The following ANKFN1 variants were observed in gnomAD, a reference collection of about 807,000 sequenced individuals.
ANKFN1 encodes ankyrin repeat and fibronectin type-III domain-containing protein 1.
ANKFN1 carries 74 observed loss-of-function variants against 108.7 expected under a neutral mutation model. The ratio of observed to expected loss-of-function variants is 0.68; its 90% CI spans 0.56 to 0.83. The LOEUF (loss-of-function observed/expected upper bound fraction) is 0.83, where lower values mean the gene tolerates loss of function less well. ANKFN1 is among the 40% of genes least tolerant of loss of function. The pLI is 0.00. For missense variants in ANKFN1, 1,505 were observed against 1,382.3 expected, an observed-to-expected ratio of 1.09 and a Z score of -1.41; for synonymous variants, 547 against 516.2, an observed-to-expected ratio of 1.06 and a Z score of -0.81.
chr17:56,070,209 G>A (rs554373420), intron 4 of ANKFN1, among the ~76,000 whole-genome samples: 16 of 152,276 alleles, frequency 1.1e-4, no homozygotes, highest in Middle Eastern at 3.4e-3. Flanking sequence ...ACTCAACATG[G>A]AGTTGCTCTG....
chr17:56,299,366 C>A (rs1340583048), intron 3 of ANKFN1, among the ~76,000 whole-genome samples: 2 of 152,150 alleles, frequency 1.3e-5, no homozygotes, highest in African/African-American at 2.4e-5. Context: ...GCAGGAAGGA[C>A]TCTGACCCCT....
At chr17:56,378,177 T>C (rs1489993186) in intron 8 of ANKFN1, among the ~76,000 whole-genome samples, 2 of 152,224 alleles carry the variant, frequency 1.3e-5, no homozygotes, top group Non-Finnish European at 2.9e-5. Flanking sequence ...CCCATATCTC[T>C]GCCGACCATC....
At chr17:56,220,656 AAAAG>A (rs993965168) in intron 2 of ANKFN1, among the ~76,000 whole-genome samples, 46 of 151,384 alleles carry the variant, frequency 3.0e-4, no homozygotes, top group African/African-American at 1.1e-3. Flanking sequence ...ACTCTATCTA[AAAAG>A]AAAGAAAGAA....
chr17:56,511,138 G>GA lies in ANKFN1; in HGVS notation c.3315dup (p.Pro1106ThrfsTer112). 6.5e-7 allele frequency: 1 copy of GA among 1,536,026 alleles called. No individual in the cohort carries two copies. The highest frequency in any genetic ancestry group is 8.7e-7 in the Non-Finnish European group (1 of 1,146,862). On this transcript the variant is annotated frameshift_variant, in exon 21 of 21. Coordinates refer to ENST00000682825, the MANE Select transcript of ANKFN1 (RefSeq NM_001370326.1). LOFTEE classifies it low-confidence loss of function (END_TRUNC). ...CGCAGCGGCCGTGGTGGCCCAGGAC[G>GA]AAAAACCATGGGCAAGCTTGAGCCC...
intron 3 of ANKFN1, among the ~76,000 whole-genome samples, chr17:56,296,577 C>T (rs1038783499): frequency 4.4e-4 from 67 of 151,916 alleles, no homozygotes; most frequent in African/African-American, 1.5e-3. Context: ...CCAGCTACTT[C>T]GGAGGCTGAG....
rs1292510297 is a variant in ANKFN1 at position 56,174,450 on chromosome 17, AGGG to A, written c.-71+20921_-71+20923del. 9.2e-6 allele frequency: 9 copies of A among 978,468 alleles called. No homozygotes were observed. The African/African-American group carries it at 1.6e-4, about 17-fold the overall frequency. 60.6% of individuals were successfully genotyped at this position (978,468 alleles called of 1,614,324 possible). On this transcript the variant is annotated intron_variant, in intron 1 of 20. Coordinates refer to ENST00000682825, the MANE Select transcript of ANKFN1 (RefSeq NM_001370326.1). Reference sequence around the variant, plus strand: ...AGTGATCTTTTTAGTGAATTGCTTGAGGGTTCTCTGGCTAGACCTGGTGCAATT... The same window carrying A: ...AGTGATCTTTTTAGTGAATTGCTTGATTCTCTGGCTAGACCTGGTGCAATT...
intron 4 of ANKFN1, among the ~76,000 whole-genome samples, chr17:56,090,112 T>A (rs367699285): frequency 4.6e-5 from 7 of 151,230 alleles, no homozygotes; most frequent in Admixed American, 4.6e-4. Flanking sequence ...TGGAGAAAGA[T>A]GTTAAGCATG....
chr17:56,073,572 A>G (rs986858551), intron 4 of ANKFN1, among the ~76,000 whole-genome samples: 1 of 152,248 alleles, frequency 6.6e-6, no homozygotes, highest in South Asian at 2.1e-4. Context: ...GGTATTTAGT[A>G]TATTCATAAT....
chr17:56,117,633 C>T (rs16956671), intron 4 of ANKFN1, among the ~76,000 whole-genome samples: 1,810 of 152,170 alleles, frequency 0.012, 34 homozygotes, highest in African/African-American at 0.04. Flanking sequence ...ATAGCCAAGA[C>T]GAAAACTGGA....
At chr17:56,266,237 TGCACGA>T (rs2043647449) in intron 3 of ANKFN1, among the ~76,000 whole-genome samples, 1 of 152,172 alleles carries the variant, frequency 6.6e-6, no homozygotes, top group African/African-American at 2.4e-5. Context: ...TAGGCCTCAT[TGCACGA>T]GCACTGTATA....
intron 3 of ANKFN1, among the ~76,000 whole-genome samples, chr17:56,313,817 G>T (rs2045115617): frequency 6.6e-6 from 1 of 152,022 alleles, no homozygotes; most frequent in Admixed American, 6.6e-5. Flanking sequence ...TTTGTGTTTT[G>T]GTTAGTTATG....
At chr17:56,358,008 A>G (rs1202641103) in intron 6 of ANKFN1, among the ~76,000 whole-genome samples, 11 of 152,104 alleles carry the variant, frequency 7.2e-5, no homozygotes, top group Admixed American at 6.6e-4. Flanking sequence ...TTGAACCCAG[A>G]TCTGTATTAA....
intron 19 of ANKFN1, among the ~76,000 whole-genome samples, chr17:56,493,153 G>A (rs538890218): frequency 6.6e-6 from 1 of 152,210 alleles, no homozygotes; most frequent in South Asian, 2.1e-4. Flanking sequence ...AATTAGACAT[G>A]GTCTCTGATC....
chr17:56,111,225 A>G (rs1905942368), intron 4 of ANKFN1, among the ~76,000 whole-genome samples: 1 of 152,144 alleles, frequency 6.6e-6, no homozygotes, highest in African/African-American at 2.4e-5. Flanking sequence ...CTTGGGGCCC[A>G]TTCACACCCA....
chr17:56,196,342 C>A (rs1178486005), intron 1 of ANKFN1, among the ~76,000 whole-genome samples: 2 of 152,248 alleles, frequency 1.3e-5, no homozygotes, highest in African/African-American at 4.8e-5. Context: ...ATTGTTTCCT[C>A]CAGGTACTCA....
intron 3 of ANKFN1, among the ~76,000 whole-genome samples, chr17:56,250,365 G>A (rs1478755782): frequency 6.6e-6 from 1 of 152,176 alleles, no homozygotes; most frequent in African/African-American, 2.4e-5. Flanking sequence ...CGCAGCTATT[G>A]AAAAAGAAGG....
At chr17:56,105,217 A>G (rs1905721774) in intron 4 of ANKFN1, among the ~76,000 whole-genome samples, 1 of 152,168 alleles carries the variant, frequency 6.6e-6, no homozygotes, top group Non-Finnish European at 1.5e-5. Flanking sequence ...AGCAGTGGAA[A>G]CAATAGTCAA....
At chr17:56,349,295 G>A (rs1023759705) in intron 4 of ANKFN1, among the ~76,000 whole-genome samples, 1 of 151,922 alleles carries the variant, frequency 6.6e-6, no homozygotes, top group African/African-American at 2.4e-5. Flanking sequence ...TTAATACCTA[G>A]GTAAACGGAT....
At chr17:56,047,214 T>G (rs1263577059) in intron 4 of ANKFN1, among the ~76,000 whole-genome samples, 1 of 152,222 alleles carries the variant, frequency 6.6e-6, no homozygotes. Context: ...GTATCCTGGT[T>G]ATCTGGAGAC....
Sources: gnomAD v4.1 joint callset for allele counts (sites outside exome capture counted in the v4.1 genomes callset) on GRCh38, gnomAD v4.1.1 for gene constraint, MANE v1.5 for transcripts, NCBI Gene and HGNC (gene_info 2026-07-23, HGNC 2026-07-21) for gene names.